The following CSMD2 variants were observed in gnomAD, a reference collection of about 807,000 sequenced individuals.
The protein encoded by CSMD2 is CUB and Sushi multiple domains 2.
Under a neutral mutation model 398.5 loss-of-function variants are expected in CSMD2, and 130 were observed. The observed-to-expected ratio is 0.33, with a 90% CI of 0.28 to 0.38. CSMD2 has a LOEUF of 0.38. CSMD2 is among the 10% of genes least tolerant of loss of function. The pLI, the probability that CSMD2 is intolerant of heterozygous loss-of-function variation, is 1.00. For synonymous variants in CSMD2, 1,828 were observed against 1,908.5 expected, an observed-to-expected ratio of 0.96 and a Z score of 1.10; for missense variants, 3,829 against 4,764.9, an observed-to-expected ratio of 0.80 and a Z score of 5.78.
At position 33,646,688 on chromosome 1, in the gene CSMD2, A is replaced by G. The variant is rs762584033; in HGVS notation, c.4734T>C (p.Asp1578=). 4.3e-6 allele frequency: 7 copies of G among 1,614,156 alleles called. No homozygotes were observed. The highest frequency in any genetic ancestry group is 5.1e-6 in the Non-Finnish European group (6 of 1,180,038). ...CGAAGCCAGCATTGCTCACAGATGC[A>G]TCGCTGCGGAAGGCGAGGAAGAGGC... ...SNSLFLAFRS[D]ASVSNAGFVI... is the part of the protein sequence containing the mutation. Residue 1578 remains aspartate (D), a synonymous_variant, in exon 29 of 71, where the codon GAT becomes GAC. Transcript: ENST00000373381.
intron 12 of CSMD2, among the ~76,000 whole-genome samples, chr1:33,783,434 TC>T (rs2149356268): frequency 1.2e-4 from 1 of 8,622 alleles, no homozygotes; most frequent in East Asian, 6.2e-3. Context: ...TCTCTCATTC[TC>T]TCTCTCTCTC....
intron 2 of CSMD2, among the ~76,000 whole-genome samples, chr1:34,045,112 C>G (rs2148202103): frequency 6.6e-6 from 1 of 152,106 alleles, no homozygotes; most frequent in Admixed American, 6.5e-5. Context: ...GGTAATTCCC[C>G]TTTGCATTTC....
chr1:33,529,050 C>T (rs1655025013), intron 64 of CSMD2, among the ~76,000 whole-genome samples: 1 of 152,140 alleles, frequency 6.6e-6, no homozygotes, highest in East Asian at 1.9e-4. Context: ...TGTATAGAAA[C>T]AAAAGGCAAA....
intron 41 of CSMD2, among the ~76,000 whole-genome samples, chr1:33,608,653 TG>T (rs1307646931): frequency 2.6e-5 from 4 of 152,272 alleles, no homozygotes; most frequent in Middle Eastern, 6.8e-3. Context: ...CAGAGGCACA[TG>T]AAGAGCACCA....
At chr1:33,700,181 G>C (rs1645562793) in intron 23 of CSMD2, among the ~76,000 whole-genome samples, 1 of 152,032 alleles carries the variant, frequency 6.6e-6, no homozygotes, top group South Asian at 2.1e-4. Context: ...GCTAATTTTT[G>C]TAGTTTTAGT....
rs1488358586 is a variant in CSMD2 at position 33,935,988 on chromosome 1, C to G, written c.518-34G>C. 6 of 1,572,312 alleles carry G rather than the reference C, an allele frequency of 3.8e-6. No homozygotes were observed. The African/African-American group carries it at 6.8e-5, about 18-fold the overall frequency. ...AGAAACAGAGAAAGAGACGGGTACCCCGTGAGCTGGGCTGGAGCCCTGACA... is the reference window on the plus strand; with the variant it reads ...AGAAACAGAGAAAGAGACGGGTACCGCGTGAGCTGGGCTGGAGCCCTGACA... On this transcript the variant is annotated intron_variant, in intron 3 of 70. Transcript: ENST00000373381.
At chr1:33,868,504 G>A (rs866660229) in intron 5 of CSMD2, among the ~76,000 whole-genome samples, 11 of 152,080 alleles carry the variant, frequency 7.2e-5, no homozygotes, top group African/African-American at 1.9e-4. Context: ...TTGGGAGGCC[G>A]AGGTGGGTGT....
rs1244040140 is a variant in CSMD2, at chr1:33,819,787, C to G, written c.1250G>C (p.Gly417Ala). 6.2e-7 allele frequency: 1 copy of G among 1,614,034 alleles called. No homozygotes were observed. ...TTTCATACAGGTGATCCGCTTGGAC[C>G]CTTGCAGGTCATAGCCCTCGTTGCA... ...FTCNEGYDLQGSKRITCMKVS... is the reference protein window; with the variant it reads ...FTCNEGYDLQASKRITCMKVS... The change falls in exon 9 of 71, where the codon GGG becomes GCG. Residue 417 changes from glycine (G) to alanine (A), a missense_variant. Physicochemically the swap from Gly to Ala is moderately conservative, Grantham distance 60 (BLOSUM62 0). Transcript: ENST00000373381.
intron 3 of CSMD2, among the ~76,000 whole-genome samples, chr1:34,022,020 G>C (rs1378712600): frequency 6.6e-6 from 1 of 152,126 alleles, no homozygotes; most frequent in African/African-American, 2.4e-5. Flanking sequence ...TCTTACGACT[G>C]GGGGCATCTT....
chr1:33,701,286 C>T (rs1191344512), intron 22 of CSMD2, among the ~76,000 whole-genome samples: 2 of 152,110 alleles, frequency 1.3e-5, no homozygotes, highest in Non-Finnish European at 2.9e-5. Context: ...CAGCTAGGGC[C>T]TGCTGGGCTT....
intron 28 of CSMD2, 143 bp from the exon 29 acceptor site, chr1:33,646,978 G>T: frequency 1.3e-6 from 1 of 765,494 alleles, no homozygotes; most frequent in Non-Finnish European, 2.1e-6. Flanking sequence ...AGACTGGCTG[G>T]TGGGAAGGGA....
chr1:33,696,350 G>T (rs528115744), intron 24 of CSMD2, among the ~76,000 whole-genome samples: 9 of 152,198 alleles, frequency 5.9e-5, no homozygotes, highest in Admixed American at 1.3e-4. Context: ...TCATGGACCC[G>T]TTGGTTTCAC....
chr1:33,862,007 G>A (rs1639556734), intron 5 of CSMD2, among the ~76,000 whole-genome samples: 1 of 152,136 alleles, frequency 6.6e-6, no homozygotes, highest in Non-Finnish European at 1.5e-5. Context: ...CCTCTGATGT[G>A]GCTCATACAG....
At chr1:33,762,120 C>A (rs897515137) in intron 13 of CSMD2, among the ~76,000 whole-genome samples, 1 of 152,196 alleles carries the variant, frequency 6.6e-6, no homozygotes, top group Admixed American at 6.5e-5. Flanking sequence ...CTGAGGACAC[C>A]CACATCACTG....
chr1:33,788,703 A>T lies in CSMD2; in HGVS notation c.1560T>A (p.Gly520=), dbSNP rs1356192907. ...DQKTVLYILT[G]TSVPDLIVST... ...TGACAATGAGATCCGGGACCGATGTACCTGTCAGGCTGGCAGGAGAGAGAT... is the reference window on the plus strand; with the variant it reads ...TGACAATGAGATCCGGGACCGATGTTCCTGTCAGGCTGGCAGGAGAGAGAT... Residue 520 remains glycine, a synonymous_variant, in exon 12 of 71, where the codon GGT becomes GGA. Coordinates refer to ENST00000373381, the MANE Select transcript of CSMD2 (RefSeq NM_001281956.2). 1 of 1,608,900 alleles carries T rather than the reference A, an allele frequency of 6.2e-7. No homozygotes were observed. Among genetic ancestry groups the T allele is most frequent in the Non-Finnish European group, 8.5e-7 (1 of 1,175,422 alleles).
chr1:34,146,855 G>A (rs1042893883), intron 1 of CSMD2, among the ~76,000 whole-genome samples: 48 of 152,192 alleles, frequency 3.2e-4, no homozygotes, highest in African/African-American at 9.9e-4. Flanking sequence ...AGTGTGTGGA[G>A]TGGGGAGTTA....
chr1:33,909,056 C>T (rs1222967384), intron 5 of CSMD2, among the ~76,000 whole-genome samples: 1 of 152,144 alleles, frequency 6.6e-6, no homozygotes, highest in Non-Finnish European at 1.5e-5. Flanking sequence ...TAGAATGGGC[C>T]TTATTCGCTT....
In CSMD2 at chr1:33,614,514, G is replaced by A. The variant is rs539257263; in HGVS notation, c.6123C>T (p.Pro2041=). ...NMDCSWKIAL[P]VGFGAHIQFL... ...GCTGCAGAGACTTACCAAAGCCCAC[G>A]GGCAGTGCTATTTTCCAGGAGCAGT... Residue 2041 remains proline (P), a synonymous_variant, in exon 40 of 71, where the codon CCC becomes CCT. Transcript: ENST00000373381. The A allele has an allele frequency of 1.1e-5, 18 of 1,596,672 alleles. 1 individual carries two copies. Among genetic ancestry groups the A allele is most frequent in the South Asian group, 6.6e-5 (6 of 90,644 alleles).
intron 56 of CSMD2, among the ~76,000 whole-genome samples, chr1:33,547,763 A>G (rs1657049545): frequency 1.3e-5 from 2 of 152,216 alleles, no homozygotes; most frequent in Non-Finnish European, 2.9e-5. Flanking sequence ...CAACAGGCAG[A>G]ACTGGGTCTC....
Sources: allele counts gnomAD v4.1 joint callset (sites outside exome capture counted in the v4.1 genomes callset), GRCh38; gene constraint gnomAD v4.1.1; transcripts MANE v1.5; gene names NCBI Gene and HGNC (gene_info 2026-07-23, HGNC 2026-07-21).